The following ABLIM2 variants were observed in gnomAD, a reference collection of about 807,000 sequenced individuals.
The protein encoded by ABLIM2 is actin binding LIM protein family member 2.
Under a neutral mutation model 97.7 loss-of-function variants are expected in ABLIM2, and 53 were observed. The observed-to-expected ratio is 0.54, with a 90% CI of 0.44 to 0.68. ABLIM2 has a LOEUF of 0.68. Among genes scored for constraint, ABLIM2 ranks in the 30% least tolerant of loss-of-function variants. The pLI is 0.00. For missense variants in ABLIM2, 835 were observed against 867.2 expected (o/e 0.96, Z 0.47); for synonymous variants, 361 against 345.8 (o/e 1.04, Z -0.49).
At chr4:8,097,333 C>T (rs551844745) in intron 2 of ABLIM2, 51 bp from the exon 3 acceptor site, 61 of 1,542,766 alleles carry the variant, frequency 4.0e-5, no homozygotes, top group Non-Finnish European at 4.9e-5. Context: ...ACCATCTCCA[C>T]GTCCCCCAGG....
chr4:7,993,546 G>A (rs1356033439), intron 16 of ABLIM2, among the ~76,000 whole-genome samples: 1 of 152,276 alleles, frequency 6.6e-6, no homozygotes, highest in South Asian at 2.1e-4. Context: ...CTGTGGTGGT[G>A]CACGCCTGTG....
At chr4:7,989,953 A>G (rs1747391875) in intron 17 of ABLIM2, among the ~76,000 whole-genome samples, 3 of 152,350 alleles carry the variant, frequency 2.0e-5, no homozygotes, top group Non-Finnish European at 1.5e-5. Flanking sequence ...AGCATCTACC[A>G]TGCATCAGGC....
At chr4:8,101,851 G>A (rs1834810932) in intron 2 of ABLIM2, among the ~76,000 whole-genome samples, 1 of 152,224 alleles carries the variant, frequency 6.6e-6, no homozygotes, top group South Asian at 2.1e-4. Flanking sequence ...GGCATTCTGT[G>A]CTATGCGTTT....
chr4:8,059,624 G>A (rs550411325), intron 7 of ABLIM2, among the ~76,000 whole-genome samples: 2 of 152,172 alleles, frequency 1.3e-5, no homozygotes, highest in African/African-American at 4.8e-5. Context: ...TTGATGGCCG[G>A]GGCATGGTGG....
chr4:8,034,067 A>T (rs1782664184), intron 10 of ABLIM2, among the ~76,000 whole-genome samples: 2 of 152,196 alleles, frequency 1.3e-5, no homozygotes, highest in Non-Finnish European at 2.9e-5. Flanking sequence ...GAGCGCCAGG[A>T]TGTGCTGAGA....
At chr4:8,097,646 T>A (rs1832403631) in intron 2 of ABLIM2, among the ~76,000 whole-genome samples, 1 of 152,186 alleles carries the variant, frequency 6.6e-6, no homozygotes, top group African/African-American at 2.4e-5. Context: ...TCCAGTGGGC[T>A]GTTTCCAGCA....
Position 8,009,116 on chromosome 4 carries a change from A to G in ABLIM2, c.1424-14T>C, listed in dbSNP as rs1006808931. The G allele has an allele frequency of 4.3e-6, 7 of 1,613,964 alleles. No homozygotes were observed. Among genetic ancestry groups the G allele is most frequent in the Non-Finnish European group, 5.1e-6 (6 of 1,179,882 alleles). ...ATCGCCTGGCAGCTGGAAGGGAAAAATCCATTTGTAAAGGCCACACACCAT... is the reference window on the plus strand; with the variant it reads ...ATCGCCTGGCAGCTGGAAGGGAAAAGTCCATTTGTAAAGGCCACACACCAT... On this transcript the variant is annotated splice_polypyrimidine_tract_variant and intron_variant, in intron 14 of 20. Coordinates refer to ENST00000447017, the MANE Select transcript of ABLIM2 (RefSeq NM_001130083.2).
chr4:8,068,979 A>G lies in ABLIM2; in HGVS notation c.676-7925T>C, dbSNP rs574089180. On this transcript the variant is annotated intron_variant, in intron 6 of 20. Coordinates refer to ENST00000447017, the MANE Select transcript of ABLIM2 (RefSeq NM_001130083.2). This position sits in a 1 kb window ranked among gnomAD's most constrained non-coding sequence, Gnocchi z 4.5. The stretch of plus-strand genomic sequence containing the variant: ...AGAATCCCCAGAATCCCCAGGGGCC[A>G]CTGCATCCCAGAAAGAAGGGCCCCA... Among the ~76,000 whole-genome samples, 67 of 152,368 alleles carry G rather than the reference A, an allele frequency of 4.4e-4. No individual in the cohort carries two copies. The highest frequency in any genetic ancestry group is 1.4e-3 in the African/African-American group (60 of 41,594).
chr4:8,150,064 A>G lies in ABLIM2; in HGVS notation c.10+8616T>C, dbSNP rs1054316332. The stretch of plus-strand genomic sequence containing the variant: ...AAGTTCCCACTGCACCTACTCAGGG[A>G]GCCTAAATGGAGAGAGTTGTGGGGC... On this transcript the variant is annotated intron_variant, in intron 1 of 20. Coordinates refer to ENST00000447017, the MANE Select transcript of ABLIM2 (RefSeq NM_001130083.2). The surrounding 1 kb of genome is among the most constrained non-coding windows in gnomAD (Gnocchi z 6.3). Among the ~76,000 whole-genome samples the G allele has an allele frequency of 1.8e-4, 27 of 152,118 alleles. No homozygotes were observed. The highest frequency in any genetic ancestry group is 1.1e-3 in the Admixed American group (17 of 15,276).
Position 7,986,786 on chromosome 4 carries a change from C to T in ABLIM2, c.1681-1893G>A, listed in dbSNP as rs1399615015. On this transcript the variant is annotated intron_variant, in intron 17 of 20. Transcript: ENST00000447017. The surrounding 1 kb of genome is among the most constrained non-coding windows in gnomAD (Gnocchi z 4.3). ...CTCCCGGGTTCAAGTGATTCTCCTG[C>T]CTCAGCCTCCTGAGCAGCTGGGATT... Among the ~76,000 whole-genome samples the T allele has an allele frequency of 1.3e-5, 2 of 152,134 alleles. No homozygotes were observed. The highest frequency in any genetic ancestry group is 3.9e-4 in the East Asian group (2 of 5,178).
Position 7,970,309 on chromosome 4 carries a change from G to A in ABLIM2, c.1825-3206C>T, listed in dbSNP as rs964479839. On this transcript the variant is annotated intron_variant, in intron 20 of 20. Transcript: ENST00000447017. The surrounding 1 kb of genome is among the most constrained non-coding windows in gnomAD (Gnocchi z 5.3). Reference sequence around the variant, plus strand: ...GGCCACATTCCTGCTTCCTGCTGGGGGAGGCTAAGGGAGGGGCGCAAAGGT... The same window carrying A: ...GGCCACATTCCTGCTTCCTGCTGGGAGAGGCTAAGGGAGGGGCGCAAAGGT... Among the ~76,000 whole-genome samples, 2 of 152,126 alleles carry A rather than the reference G, an allele frequency of 1.3e-5. No individual in the cohort carries two copies. Among genetic ancestry groups the A allele is most frequent in the African/African-American group, 2.4e-5 (1 of 41,454 alleles).
At chr4:8,154,615 A>T (rs1236305697) in intron 1 of ABLIM2, among the ~76,000 whole-genome samples, 1 of 152,230 alleles carries the variant, frequency 6.6e-6, no homozygotes, top group African/African-American at 2.4e-5. Context: ...TTCTCCTAAC[A>T]TTAGAAATTC....
chr4:8,024,408 G>A lies in ABLIM2; in HGVS notation c.1267+3351C>T, dbSNP rs1244090040. ...CGGGGGTGAGGCCCTGCCAGCATTC[G>A]GTGGGGGGTGGGGCCAGGCCTTGCC... On this transcript the variant is annotated intron_variant, in intron 12 of 20. Coordinates refer to ENST00000447017, the MANE Select transcript of ABLIM2 (RefSeq NM_001130083.2). Among the ~76,000 whole-genome samples the A allele has an allele frequency of 3.3e-5, 5 of 152,310 alleles. No homozygotes were observed. The East Asian group carries it at 9.7e-4, about 29-fold the overall frequency.
Position 8,025,914 on chromosome 4 carries a change from C to T in ABLIM2, c.1267+1845G>A, listed in dbSNP as rs568628350. On this transcript the variant is annotated intron_variant, in intron 12 of 20. Coordinates refer to ENST00000447017, the MANE Select transcript of ABLIM2 (RefSeq NM_001130083.2). ...GTTGATTCACTCTGGGTTTCAGGAC[C>T]GCCCCCTGCCACACGACTGCCGTGG... 5.3e-5 allele frequency among the ~76,000 whole-genome samples: 8 copies of T among 152,332 alleles called. No individual in the cohort carries two copies. The South Asian group carries it at 1.4e-3, about 28-fold the overall frequency.
At chr4:7,983,212 G>T in intron 20 of ABLIM2, 52 bp downstream of exon 20, 3 of 1,551,012 alleles carry the variant, frequency 1.9e-6, no homozygotes, top group East Asian at 2.4e-5. Context: ...AGGCATCTGC[G>T]GGGACTCTCG....
In ABLIM2 at chr4:7,996,288, C is replaced by G. The variant is rs1217272934; in HGVS notation, c.1619-3361G>C. 6.6e-6 allele frequency among the ~76,000 whole-genome samples: 1 copy of G among 152,204 alleles called. No individual in the cohort carries two copies. The highest frequency in any genetic ancestry group is 1.5e-5 in the Non-Finnish European group (1 of 68,034). On this transcript the variant is annotated intron_variant, in intron 16 of 20. Transcript: ENST00000447017. The surrounding 1 kb of genome is among the most constrained non-coding windows in gnomAD (Gnocchi z 4.5). ...AAGGCTTCTGGACCATTCCGATGCA[C>G]ACTGGCCTACTGCCTCGAGAACAGA...
intron 9 of ABLIM2, among the ~76,000 whole-genome samples, chr4:8,040,610 C>CA (rs58125904): frequency 0.03 from 3,982 of 132,360 alleles, 87 homozygotes; most frequent in Non-Finnish European, 0.045. Flanking sequence ...GACTCCATTT[C>CA]AAAAAAAAAA....
At chr4:8,119,326 T>A (rs922784396) in intron 1 of ABLIM2, among the ~76,000 whole-genome samples, 54 of 103,352 alleles carry the variant, frequency 5.2e-4, no homozygotes, top group African/African-American at 1.6e-3. Flanking sequence ...GCTTCCTTCT[T>A]TTTTTTTTTT....
At chr4:8,050,707 C>T (rs549089410) in intron 8 of ABLIM2, among the ~76,000 whole-genome samples, 1 of 151,840 alleles carries the variant, frequency 6.6e-6, no homozygotes, top group Non-Finnish European at 1.5e-5. Context: ...AGGGCTCTCC[C>T]TCCCACCCCC....
Sources: gnomAD v4.1 joint callset for allele counts (sites outside exome capture counted in the v4.1 genomes callset) on GRCh38, gnomAD v4.1.1 for gene constraint, Gnocchi (gnomAD v3.1) non-coding constraint, MANE v1.5 for transcripts, NCBI Gene and HGNC (gene_info 2026-07-23, HGNC 2026-07-21) for gene names.